EXOC4: variants seen among roughly 807,000 people sequenced by gnomAD.
The protein encoded by EXOC4 is exocyst complex component 4.
A neutral mutation model predicts 107.2 loss-of-function variants in EXOC4; 71 were observed. The ratio of observed to expected loss-of-function variants is 0.66; its 90% confidence interval spans 0.55 to 0.81. The LOEUF (loss-of-function observed/expected upper bound fraction) is 0.81. Ranked by LOEUF, EXOC4 falls within the 30% of genes least tolerant of loss-of-function variation. EXOC4 has a pLI of 0.00. For missense variants in EXOC4, 1,108 were observed against 1,189.6 expected, an observed-to-expected ratio of 0.93 and a Z score of 1.01; for synonymous variants, 456 against 441.2, an observed-to-expected ratio of 1.03 and a Z score of -0.42.
At chr7:133,339,742 T>A (rs1037382175) in intron 5 of EXOC4, among the ~76,000 whole-genome samples, 9 of 152,212 alleles carry the variant, frequency 5.9e-5, no homozygotes, top group Non-Finnish European at 1.2e-4. Flanking sequence ...TTAGGTATAT[T>A]TCTAAGCATT....
At chr7:133,712,687 AAGAT>A (rs1464459726) in intron 10 of EXOC4, among the ~76,000 whole-genome samples, 1 of 152,194 alleles carries the variant, frequency 6.6e-6, no homozygotes, top group Non-Finnish European at 1.5e-5. Flanking sequence ...CAATAGCTGA[AAGAT>A]AGAAATAGCC....
chr7:133,253,275 C>G, intron 1 of EXOC4, 88 bp downstream of exon 1: 1 of 1,469,472 alleles, frequency 6.8e-7, no homozygotes, highest in Non-Finnish European at 9.0e-7. Flanking sequence ...TGGGTCCCAC[C>G]CTGCTCTCCC....
At chr7:133,948,208 C>G (rs1208848580) in intron 14 of EXOC4, among the ~76,000 whole-genome samples, 1 of 152,202 alleles carries the variant, frequency 6.6e-6, no homozygotes, top group Non-Finnish European at 1.5e-5. Context: ...AATCTGGCCT[C>G]TTATCTAGAA....
chr7:134,069,967 C>G (rs1211214178), downstream of EXOC4, among the ~76,000 whole-genome samples: 2 of 152,188 alleles, frequency 1.3e-5, no homozygotes, highest in African/African-American at 4.8e-5. Context: ...TCATTCAGGG[C>G]AGATGTGATC....
At chr7:133,633,168 T>G (rs1023622851) in intron 10 of EXOC4, among the ~76,000 whole-genome samples, 15 of 152,136 alleles carry the variant, frequency 9.9e-5, no homozygotes, top group Non-Finnish European at 1.8e-4. Context: ...AAACACCACA[T>G]ATTGGCGAGG....
chr7:133,991,288 GT>G (rs1303048288), intron 14 of EXOC4, among the ~76,000 whole-genome samples: 3 of 151,334 alleles, frequency 2.0e-5, no homozygotes, highest in Admixed American at 6.6e-5. Flanking sequence ...TTTTGTTTTC[GT>G]TTTTTGTTTT....
chr7:133,528,901 C>T (rs1325489000), intron 9 of EXOC4, among the ~76,000 whole-genome samples: 4 of 151,966 alleles, frequency 2.6e-5, no homozygotes, highest in African/African-American at 9.7e-5. Context: ...TAGCATTTGC[C>T]CTGCACCTCT....
intron 3 of EXOC4, among the ~76,000 whole-genome samples, chr7:133,293,693 A>AC (rs1158002062): frequency 2.0e-5 from 3 of 152,192 alleles, no homozygotes; most frequent in African/African-American, 4.8e-5. Context: ...TGATATGATA[A>AC]CCGAGTATTG....
At chr7:133,870,970 C>T (rs780293841) in intron 11 of EXOC4, among the ~76,000 whole-genome samples, 1 of 152,204 alleles carries the variant, frequency 6.6e-6, no homozygotes, top group Non-Finnish European at 1.5e-5. Context: ...GGTAGTCGTA[C>T]TCACATTCGC....
intron 10 of EXOC4, among the ~76,000 whole-genome samples, chr7:133,752,691 T>C (rs1464062160): frequency 6.6e-6 from 1 of 152,178 alleles, no homozygotes; most frequent in African/African-American, 2.4e-5. Flanking sequence ...CATGGGAGCA[T>C]TAAACAGAAG....
chr7:134,004,938 C>T lies in EXOC4; in HGVS notation c.2375C>T (p.Pro792Leu), dbSNP rs756639970. Residue 792 changes from proline (P) to leucine (L), a missense_variant, in exon 16 of 18, where the codon CCT becomes CTT. Physicochemically the swap from Pro to Leu is moderately conservative, Grantham distance 98. Transcript: ENST00000253861. ...VRVHCFHYLI[P>L]LAKEGNYAIV... ...GTTCACTGTTTCCACTATCTTATCC[C>T]TCTTGCAAAGGAGGGGAACTATGCC... 4 of 1,613,154 alleles carry T rather than the reference C, an allele frequency of 2.5e-6. No homozygotes were observed.
At chr7:133,964,567 G>C (rs912546708) in intron 14 of EXOC4, among the ~76,000 whole-genome samples, 1 of 152,174 alleles carries the variant, frequency 6.6e-6, no homozygotes, top group Non-Finnish European at 1.5e-5. Flanking sequence ...TTATGAGTGA[G>C]AACATGCGGT....
At chr7:133,489,122 T>TA (rs779612256) in intron 9 of EXOC4, among the ~76,000 whole-genome samples, 12 of 151,448 alleles carry the variant, frequency 7.9e-5, no homozygotes, top group Admixed American at 1.3e-4. Flanking sequence ...TCCTGTGTGA[T>TA]AAAAAAATGA....
chr7:133,280,885 A>C (rs959209593), intron 2 of EXOC4, among the ~76,000 whole-genome samples: 3 of 152,130 alleles, frequency 2.0e-5, no homozygotes, highest in African/African-American at 7.2e-5. Flanking sequence ...GAGAAAGGGA[A>C]GAAGGCCTTT....
chr7:133,515,330 CAT>C (rs1799852262), intron 9 of EXOC4, among the ~76,000 whole-genome samples: 2 of 123,084 alleles, frequency 1.6e-5, no homozygotes, highest in African/African-American at 5.5e-5. Context: ...CCCAAGTGTG[CAT>C]ACACACACAC....
rs112603861 is a variant in EXOC4, at chr7:133,495,801, C to T, written c.1417+15663C>T. Among the ~76,000 whole-genome samples, 552 of 152,278 alleles carry T rather than the reference C, an allele frequency of 3.6e-3. 5 individuals carry two copies. Among genetic ancestry groups the T allele is most frequent in the African/African-American group, 0.012 (515 of 41,560 alleles). Reference sequence around the variant, plus strand: ...TATGAACAGTTGTATTACAAATGCACTAATTTCTCGTGGGAATATACCTAG... The same window carrying T: ...TATGAACAGTTGTATTACAAATGCATTAATTTCTCGTGGGAATATACCTAG... On this transcript the variant is annotated intron_variant, in intron 9 of 17. Coordinates refer to ENST00000253861, the MANE Select transcript of EXOC4 (RefSeq NM_021807.4).
intron 11 of EXOC4, among the ~76,000 whole-genome samples, chr7:133,881,131 T>C (rs1175181534): frequency 6.6e-6 from 1 of 152,190 alleles, no homozygotes; most frequent in Non-Finnish European, 1.5e-5. Flanking sequence ...ATTTATATTT[T>C]CTTGCTGGAA....
intron 12 of EXOC4, among the ~76,000 whole-genome samples, chr7:133,914,352 CAT>C (rs1417409674): frequency 6.6e-6 from 1 of 152,140 alleles, no homozygotes; most frequent in Non-Finnish European, 1.5e-5. Flanking sequence ...TTCAGGACCA[CAT>C]ATAGAGGTCA....
At chr7:133,843,092 G>A (rs1415481806) in intron 11 of EXOC4, among the ~76,000 whole-genome samples, 1 of 152,108 alleles carries the variant, frequency 6.6e-6, no homozygotes, top group Non-Finnish European at 1.5e-5. Context: ...TTTGAAGTTG[G>A]GTATTGTGAT....
Sources: allele counts gnomAD v4.1 joint callset (sites outside exome capture counted in the v4.1 genomes callset), GRCh38; gene constraint gnomAD v4.1.1; transcripts MANE v1.5; gene names NCBI Gene and HGNC (gene_info 2026-07-23, HGNC 2026-07-21).